The following SYT1 variants were observed in gnomAD, a reference collection of about 807,000 sequenced individuals.
The protein encoded by SYT1 is synaptotagmin-1.
A neutral mutation model predicts 44.8 loss-of-function variants in SYT1; 8 were observed. The observed-to-expected ratio is 0.18, with a 90% CI of 0.10 to 0.32. The LOEUF is 0.32. Ranked by LOEUF, SYT1 falls within the 10% of genes least tolerant of loss-of-function variation. The probability of loss-of-function intolerance (pLI) is 1.00; values close to 1 mark genes in which losing one functional copy is unlikely to be tolerated. For missense variants in SYT1, 286 were observed against 509.3 expected, an observed-to-expected ratio of 0.56 and a Z score of 4.22; for synonymous variants, 154 against 188.8, an observed-to-expected ratio of 0.82 and a Z score of 1.51.
In SYT1 at chr12:79,292,010, C is replaced by T; in HGVS notation, c.354C>T (p.Ala118=). Residue 118 remains alanine (A), a splice_region_variant and synonymous_variant, in exon 6 of 11, where the codon GCC becomes GCT. Coordinates refer to ENST00000261205, the MANE Select transcript of SYT1 (RefSeq NM_005639.3). ...KDLGKTMKDQ[A]LKDDDAETGL... is the part of the protein sequence containing the mutation. ...TGTGATCCTTTCTCTATACATAGGC[C>T]CTCAAGGATGATGATGCTGAAACTG... 1 of 1,613,570 alleles carries T rather than the reference C, an allele frequency of 6.2e-7. No homozygotes were observed. The highest frequency in any genetic ancestry group is 8.5e-7 in the Non-Finnish European group (1 of 1,179,938).
intron 1 of SYT1, among the ~76,000 whole-genome samples, chr12:78,963,048 A>T (rs1445197050): frequency 6.6e-6 from 1 of 152,086 alleles, no homozygotes; most frequent in East Asian, 1.9e-4. Context: ...ATAAATTAGA[A>T]CCATGAAGTA....
intron 5 of SYT1, among the ~76,000 whole-genome samples, chr12:79,290,031 T>C (rs1879500577): frequency 6.6e-6 from 1 of 152,204 alleles, no homozygotes; most frequent in East Asian, 1.9e-4. Flanking sequence ...GTCAACATTT[T>C]AACATTCAAA....
intron 3 of SYT1, among the ~76,000 whole-genome samples, chr12:79,192,891 C>A (rs1177721992): frequency 6.6e-6 from 1 of 152,034 alleles, no homozygotes; most frequent in African/African-American, 2.4e-5. Flanking sequence ...TAAGTTGATA[C>A]CTCTATCTAT....
chr12:79,019,401 A>G (rs1469243847), intron 2 of SYT1, among the ~76,000 whole-genome samples: 1 of 152,038 alleles, frequency 6.6e-6, no homozygotes, highest in Non-Finnish European at 1.5e-5. Flanking sequence ...CCAGGGTTAT[A>G]CTGCAAAACC....
At chr12:79,214,992 C>A (rs1293899987) in intron 3 of SYT1, among the ~76,000 whole-genome samples, 2 of 150,990 alleles carry the variant, frequency 1.3e-5, no homozygotes, top group Non-Finnish European at 3.0e-5. Context: ...CAATTTTAGT[C>A]TGGCTGACTC....
chr12:79,115,786 A>G (rs913637655), intron 3 of SYT1, among the ~76,000 whole-genome samples: 2 of 152,194 alleles, frequency 1.3e-5, no homozygotes, highest in African/African-American at 4.8e-5. Context: ...AACACAGTCA[A>G]CTGTTCCTTT....
chr12:79,320,335 C>T (rs1302018887), intron 8 of SYT1, among the ~76,000 whole-genome samples: 2 of 152,148 alleles, frequency 1.3e-5, no homozygotes, highest in East Asian at 1.9e-4. Context: ...TTACTAAATG[C>T]TTGTCATTTG....
At chr12:79,398,500 G>A (rs1223212182) in intron 9 of SYT1, among the ~76,000 whole-genome samples, 4 of 152,310 alleles carry the variant, frequency 2.6e-5, no homozygotes, top group Admixed American at 1.3e-4. Context: ...TATGTAATAG[G>A]AAGTCAGTAA....
chr12:78,877,902 T>G (rs1874261055), intron 1 of SYT1, among the ~76,000 whole-genome samples: 1 of 151,838 alleles, frequency 6.6e-6, no homozygotes, highest in African/African-American at 2.4e-5. Flanking sequence ...GTACTAGGAT[T>G]ACAGGCATGA....
chr12:79,338,389 G>T (rs10861886), intron 8 of SYT1, among the ~76,000 whole-genome samples: 13,570 of 150,040 alleles, frequency 0.09, 1,496 homozygotes, highest in African/African-American at 0.27. Context: ...GCAATCCCCC[G>T]ACCTCCTACC....
chr12:78,944,359 T>G (rs768078532), intron 1 of SYT1, among the ~76,000 whole-genome samples: 39 of 151,858 alleles, frequency 2.6e-4, no homozygotes, highest in Non-Finnish European at 4.4e-4. Context: ...GATGAAAATA[T>G]TTCTTATAAG....
intron 2 of SYT1, among the ~76,000 whole-genome samples, chr12:79,043,746 A>AT (rs1360179705): frequency 2.0e-5 from 3 of 152,012 alleles, no homozygotes; most frequent in African/African-American, 7.3e-5. Flanking sequence ...TTTTGGCATG[A>AT]TTTTGCAGCG....
chr12:79,401,022 C>T (rs1409673717), intron 9 of SYT1, among the ~76,000 whole-genome samples: 1 of 152,116 alleles, frequency 6.6e-6, no homozygotes, highest in African/African-American at 2.4e-5. Flanking sequence ...CTTAAATAAA[C>T]CTTTTCAGTG....
intron 1 of SYT1, among the ~76,000 whole-genome samples, chr12:78,911,819 C>G (rs547698230): frequency 8.0e-4 from 122 of 152,036 alleles, no homozygotes; most frequent in Non-Finnish European, 1.4e-3. Flanking sequence ...GCGATTGCCT[C>G]ATTTCTTTCA....
At chr12:78,945,483 TATA>T (rs1878604720) in intron 1 of SYT1, among the ~76,000 whole-genome samples, 1 of 149,616 alleles carries the variant, frequency 6.7e-6, no homozygotes, top group Admixed American at 6.8e-5. Context: ...TATATATATA[TATA>T]TACACATTTC....
intron 9 of SYT1, among the ~76,000 whole-genome samples, chr12:79,420,110 A>G (rs1050979571): frequency 1.3e-5 from 2 of 152,114 alleles, no homozygotes; most frequent in Non-Finnish European, 2.9e-5. Context: ...TCTTGCTGTC[A>G]CAGACAATAC....
chr12:79,061,733 A>G (rs998031441), intron 3 of SYT1, among the ~76,000 whole-genome samples: 1 of 152,172 alleles, frequency 6.6e-6, no homozygotes, highest in African/African-American at 2.4e-5. Flanking sequence ...TTGGCCTTAC[A>G]TGACTTCCTT....
intron 9 of SYT1, among the ~76,000 whole-genome samples, chr12:79,411,845 C>T (rs1868454453): frequency 6.8e-6 from 1 of 147,694 alleles, no homozygotes; most frequent in Admixed American, 6.8e-5. Flanking sequence ...TTTTTAACCT[C>T]TTTTTTTTTT....
chr12:79,357,597 TC>T (rs1883162378), intron 9 of SYT1, among the ~76,000 whole-genome samples: 1 of 152,188 alleles, frequency 6.6e-6, no homozygotes, highest in Admixed American at 6.5e-5. Flanking sequence ...AGTATTATAA[TC>T]TTATGGGACC....
Sources: allele counts gnomAD v4.1 joint callset (sites outside exome capture counted in the v4.1 genomes callset), GRCh38; gene constraint gnomAD v4.1.1; transcripts MANE v1.5; gene names NCBI Gene and HGNC (gene_info 2026-07-23, HGNC 2026-07-21).